Variants in LARGE1 observed in about 807,000 individuals in gnomAD.
LARGE1 encodes the protein LARGE xylosyl- and glucuronyltransferase 1.
In LARGE1, 43 loss-of-function variants were observed where a neutral mutation model predicts 87.6. The observed-to-expected ratio is 0.49, with a 90% CI of 0.38 to 0.63. The LOEUF is 0.63. Among genes scored for constraint, LARGE1 ranks in the 30% least tolerant of loss-of-function variants. The pLI is 0.00. For missense variants in LARGE1, 802 were observed against 1,000.2 expected, an observed-to-expected ratio of 0.80 and a Z score of 2.67; for synonymous variants, 434 against 394.6, an observed-to-expected ratio of 1.10 and a Z score of -1.18.
intron 2 of LARGE1, among the ~76,000 whole-genome samples, chr22:33,691,580 T>C (rs2082101650): frequency 6.6e-6 from 1 of 152,162 alleles, no homozygotes; most frequent in African/African-American, 2.4e-5. Context: ...CGCATGCCTC[T>C]CTGCTCACAT....
At chr22:33,705,903 A>G (rs987987975) in intron 2 of LARGE1, among the ~76,000 whole-genome samples, 8 of 152,352 alleles carry the variant, frequency 5.3e-5, no homozygotes, top group African/African-American at 1.9e-4. Context: ...CATTACTTTA[A>G]CTCTAAAAAT....
intron 11 of LARGE1, among the ~76,000 whole-genome samples, chr22:33,309,580 C>T (rs567330628): frequency 1.9e-4 from 29 of 152,296 alleles, no homozygotes; most frequent in Non-Finnish European, 3.4e-4. Context: ...GACACCAAAT[C>T]GACCGAAGCC....
intron 1 of LARGE1, among the ~76,000 whole-genome samples, chr22:33,883,470 C>T (rs1320090078): frequency 6.6e-6 from 1 of 152,196 alleles, no homozygotes; most frequent in East Asian, 1.9e-4. Flanking sequence ...CTGTTTCAGC[C>T]TTTGCTACCT....
intron 6 of LARGE1, among the ~76,000 whole-genome samples, chr22:33,443,194 T>G (rs1015509919): frequency 4.4e-4 from 67 of 152,280 alleles, no homozygotes; most frequent in African/African-American, 1.5e-3. Flanking sequence ...TTTAGAGAGA[T>G]AAAGTCACAT....
chr22:33,906,455 T>C (rs1203127152), intron 1 of LARGE1, among the ~76,000 whole-genome samples: 2 of 152,248 alleles, frequency 1.3e-5, no homozygotes, highest in Admixed American at 6.5e-5. Context: ...GTCTCTGGGC[T>C]TTATTGCTTG....
the LARGE1 span, among the ~76,000 whole-genome samples, chr22:33,107,102 A>T: frequency 5.1e-3 from 773 of 152,346 alleles, 2 homozygotes; most frequent in African/African-American, 0.018. Flanking sequence ...AGACTAAATC[A>T]TTACTGAAGA....
the LARGE1 span, among the ~76,000 whole-genome samples, chr22:33,092,243 A>G: frequency 3.4e-5 from 5 of 148,582 alleles, no homozygotes; most frequent in African/African-American, 1.3e-4. Flanking sequence ...TAGAATCTCC[A>G]GGGCTTTTTT....
chr22:33,205,929 C>G (rs1041202168), intron 11 of LARGE1, among the ~76,000 whole-genome samples: 1 of 147,278 alleles, frequency 6.8e-6, no homozygotes, highest in Admixed American at 6.8e-5. Context: ...CGGGTGCCCA[C>G]TACCATGCCA....
At chr22:33,830,763 G>A (rs1458397148) in intron 1 of LARGE1, among the ~76,000 whole-genome samples, 1 of 152,202 alleles carries the variant, frequency 6.6e-6, no homozygotes, top group African/African-American at 2.4e-5. Flanking sequence ...AATTCTGGAG[G>A]CTGAGAAGCT....
intron 1 of LARGE1, among the ~76,000 whole-genome samples, chr22:33,812,124 T>C (rs1015742161): frequency 6.6e-6 from 1 of 152,154 alleles, no homozygotes; most frequent in Admixed American, 6.5e-5. Context: ...AGAAAACGAT[T>C]AACAACATGT....
chr22:33,416,059 A>AT (rs1334972820), intron 7 of LARGE1, among the ~76,000 whole-genome samples: 3 of 151,102 alleles, frequency 2.0e-5, no homozygotes, highest in South Asian at 2.1e-4. Context: ...CATTCATGCC[A>AT]TTTTTTCTGC....
the LARGE1 span, among the ~76,000 whole-genome samples, chr22:33,148,905 A>C: frequency 6.6e-6 from 1 of 152,124 alleles, no homozygotes; most frequent in East Asian, 1.9e-4. Context: ...CCCATTTTCT[A>C]ATGAGATTGT....
intron 11 of LARGE1, among the ~76,000 whole-genome samples, chr22:33,174,290 C>T (rs1404162895): frequency 6.6e-6 from 1 of 151,984 alleles, no homozygotes; most frequent in Non-Finnish European, 1.5e-5. Flanking sequence ...TCTTTGAAAC[C>T]AATGAGAACA....
At position 33,637,025 on chromosome 22, in the gene LARGE1, T is replaced by G. The variant is rs570551173; in HGVS notation, c.409-10699A>C. Among the ~76,000 whole-genome samples, 4 of 152,296 alleles carry G rather than the reference T, an allele frequency of 2.6e-5. No individual in the cohort carries two copies. In the South Asian group the frequency reaches 8.3e-4, roughly 32 times the overall value. On this transcript the variant is annotated intron_variant, in intron 3 of 14. Coordinates refer to ENST00000397394, the MANE Select transcript of LARGE1 (RefSeq NM_133642.5). ...CTCAAATGTCAGCCATCAAGTTCTT[T>G]TCTTCTTCTCTCACTCTTTCCTCTA...
intron 2 of LARGE1, among the ~76,000 whole-genome samples, chr22:33,683,810 T>C (rs534428193): frequency 8.5e-5 from 13 of 152,288 alleles, no homozygotes; most frequent in South Asian, 2.1e-4. Flanking sequence ...AAGTTGACTA[T>C]ACAACACCAA....
chr22:33,835,823 C>T (rs532817470), intron 1 of LARGE1, among the ~76,000 whole-genome samples: 26 of 152,286 alleles, frequency 1.7e-4, no homozygotes, highest in South Asian at 4.1e-4. Context: ...ACACATTAGG[C>T]GTTAACTACC....
chr22:33,859,546 A>G (rs988057548), intron 1 of LARGE1, among the ~76,000 whole-genome samples: 2 of 152,234 alleles, frequency 1.3e-5, no homozygotes, highest in African/African-American at 2.4e-5. Flanking sequence ...CAAAGGCCAC[A>G]TTGTATAAAA....
intron 7 of LARGE1, among the ~76,000 whole-genome samples, chr22:33,420,853 A>G (rs559854099): frequency 6.6e-6 from 1 of 152,320 alleles, no homozygotes; most frequent in South Asian, 2.1e-4. Context: ...CAAAAGACAC[A>G]GACGTAATCC....
At chr22:33,819,320 T>C (rs2086750787) in intron 1 of LARGE1, among the ~76,000 whole-genome samples, 1 of 152,134 alleles carries the variant, frequency 6.6e-6, no homozygotes, top group African/African-American at 2.4e-5. Flanking sequence ...AGCTGAAAAA[T>C]GAGCTATTCC....
Sources: gnomAD v4.1 joint callset for allele counts (sites outside exome capture counted in the v4.1 genomes callset) on GRCh38, gnomAD v4.1.1 for gene constraint, MANE v1.5 for transcripts, NCBI Gene and HGNC (gene_info 2026-07-23, HGNC 2026-07-21) for gene names.